EBF1: variants seen among roughly 807,000 people sequenced by gnomAD.
EBF1 encodes EBF transcription factor 1.
A neutral mutation model predicts 68.4 loss-of-function variants in EBF1; 10 were observed. That is an observed-to-expected ratio of 0.15 (90% confidence interval 0.09 to 0.25). The LOEUF is 0.25. Among genes scored for constraint, EBF1 ranks in the 10% least tolerant of loss-of-function variants. The pLI, the probability that EBF1 is intolerant of heterozygous loss-of-function variation, is 1.00. For synonymous variants in EBF1, 298 were observed against 299.8 expected (o/e 0.99, Z 0.06); for missense variants, 509 against 794.4 (o/e 0.64, Z 4.32).
At position 159,075,303 on chromosome 5, in the gene EBF1, C is replaced by T. The variant is rs1208007774; in HGVS notation, c.486-1839G>A. ...TGCACCTACCCTCTTCAGTCCCTTC[C>T]TCCTTCAAGTCCAGGCAAATCTGCC... On this transcript the variant is annotated intron_variant, in intron 5 of 15. Transcript: ENST00000313708. 5.3e-5 allele frequency among the ~76,000 whole-genome samples: 8 copies of T among 152,204 alleles called. No individual in the cohort carries two copies. In the East Asian group the frequency reaches 9.7e-4, roughly 18 times the overall value.
At chr5:158,737,719 G>A (rs1324203468) in intron 10 of EBF1, among the ~76,000 whole-genome samples, 2 of 152,102 alleles carry the variant, frequency 1.3e-5, no homozygotes, top group East Asian at 1.9e-4. Context: ...GAGTGGTTAC[G>A]TCCTTTTTAC....
At chr5:158,730,557 G>A (rs972423380) in intron 11 of EBF1, among the ~76,000 whole-genome samples, 4 of 152,186 alleles carry the variant, frequency 2.6e-5, no homozygotes, top group Non-Finnish European at 4.4e-5. Context: ...AAGAGAGGTT[G>A]TCTTTGCCCA....
chr5:158,775,494 CT>C, intron 10 of EBF1, among the ~76,000 whole-genome samples: 1 of 152,148 alleles, frequency 6.6e-6, no homozygotes, highest in East Asian at 1.9e-4. Flanking sequence ...TCTTTTTCTT[CT>C]CCTTTTCTTG....
At chr5:159,088,440 A>G (rs753215187) in intron 4 of EBF1, among the ~76,000 whole-genome samples, 15 of 152,142 alleles carry the variant, frequency 9.9e-5, no homozygotes, top group Non-Finnish European at 1.9e-4. Flanking sequence ...TAAGCCCCAA[A>G]GGACAGGGAT....
chr5:159,084,188 C>T (rs1190036675), intron 5 of EBF1, among the ~76,000 whole-genome samples: 2 of 151,674 alleles, frequency 1.3e-5, no homozygotes, highest in Non-Finnish European at 2.9e-5. Flanking sequence ...AACCCACATG[C>T]AATTTAAGAA....
chr5:158,806,259 C>T (rs1170069226), intron 8 of EBF1, among the ~76,000 whole-genome samples: 2 of 152,094 alleles, frequency 1.3e-5, no homozygotes, highest in Non-Finnish European at 2.9e-5. Context: ...ACAAGTTTCC[C>T]AGGCAAACAA....
chr5:158,874,965 T>C (rs981179972), intron 6 of EBF1, among the ~76,000 whole-genome samples: 5 of 151,892 alleles, frequency 3.3e-5, no homozygotes, highest in Non-Finnish European at 5.9e-5. Context: ...TATAGAACCA[T>C]GCACAACTAG....
At chr5:158,849,743 C>T (rs948910080) in intron 6 of EBF1, among the ~76,000 whole-genome samples, 1 of 152,146 alleles carries the variant, frequency 6.6e-6, no homozygotes, top group Non-Finnish European at 1.5e-5. Flanking sequence ...TTATTTCTTT[C>T]TTCTATATTT....
At chr5:159,075,565 A>G (rs1584445141) in intron 5 of EBF1, among the ~76,000 whole-genome samples, 1 of 152,184 alleles carries the variant, frequency 6.6e-6, no homozygotes, top group East Asian at 1.9e-4. Context: ...TTTAAAGCCT[A>G]TCTGATTTTC....
At chr5:159,065,206 A>G (rs572321482) in intron 6 of EBF1, among the ~76,000 whole-genome samples, 1 of 152,312 alleles carries the variant, frequency 6.6e-6, no homozygotes, top group South Asian at 2.1e-4. Context: ...TCTGATATTC[A>G]GGTGGAGTAA....
intron 6 of EBF1, among the ~76,000 whole-genome samples, chr5:158,976,491 G>C (rs975517805): frequency 6.7e-6 from 1 of 149,784 alleles, no homozygotes; most frequent in Non-Finnish European, 1.5e-5. Flanking sequence ...CAAAAAGATG[G>C]TAGTGTTTTT....
At chr5:159,067,686 T>C (rs1425365643) in intron 6 of EBF1, among the ~76,000 whole-genome samples, 6 of 152,124 alleles carry the variant, frequency 3.9e-5, no homozygotes, top group African/African-American at 1.2e-4. Context: ...TTCAGAATGG[T>C]ATTATCTGAT....
intron 6 of EBF1, among the ~76,000 whole-genome samples, chr5:158,854,269 AC>A (rs1432165960): frequency 6.6e-6 from 1 of 152,050 alleles, no homozygotes; most frequent in Non-Finnish European, 1.5e-5. Flanking sequence ...CAAAACAAGG[AC>A]CCCTGTGGCT....
intron 6 of EBF1, among the ~76,000 whole-genome samples, chr5:158,988,277 CT>C (rs1315898804): frequency 5.9e-5 from 9 of 152,180 alleles, no homozygotes; most frequent in Admixed American, 4.6e-4. Flanking sequence ...TAAACTGCCC[CT>C]GGTCCATTCT....
intron 6 of EBF1, among the ~76,000 whole-genome samples, chr5:159,050,233 T>C (rs1201501265): frequency 6.7e-6 from 1 of 148,516 alleles, no homozygotes; most frequent in African/African-American, 2.5e-5. Flanking sequence ...CTCTCCTCCC[T>C]CTCTCTCTCC....
At chr5:158,763,705 GAT>G (rs1156941139) in intron 10 of EBF1, among the ~76,000 whole-genome samples, 3 of 152,140 alleles carry the variant, frequency 2.0e-5, no homozygotes, top group Non-Finnish European at 4.4e-5. Flanking sequence ...CGACCATGGT[GAT>G]GTTTGTTGAT....
At position 159,097,006 on chromosome 5, in the gene EBF1, T is replaced by C; in HGVS notation, c.259A>G (p.Thr87Ala). ...TTCTCCACGAACCCCACAAACGCTG[T>C]CCTCTCGATCTCCACGGGCTGGCCC... Reference protein sequence around the residue: ...RQGQPVEIERTAFVGFVEKEK... With the variant: ...RQGQPVEIERAAFVGFVEKEK... The change falls in exon 2 of 16, where the codon ACA becomes GCA. Residue 87 changes from threonine to alanine, a missense_variant. Thr to Ala is a moderately conservative substitution (Grantham distance 58). Coordinates refer to ENST00000313708, the MANE Select transcript of EBF1 (RefSeq NM_024007.5). 1 of 1,611,996 alleles carries C rather than the reference T, an allele frequency of 6.2e-7. No homozygotes were observed. The highest frequency in any genetic ancestry group is 8.5e-7 in the Non-Finnish European group (1 of 1,179,242).
chr5:158,965,280 C>G (rs2127544565), intron 6 of EBF1, among the ~76,000 whole-genome samples: 1 of 152,284 alleles, frequency 6.6e-6, no homozygotes, highest in South Asian at 2.1e-4. Context: ...AGATTCAAAT[C>G]TCCCATCCCC....
At chr5:159,028,050 G>T (rs756903045) in intron 6 of EBF1, among the ~76,000 whole-genome samples, 3 of 152,180 alleles carry the variant, frequency 2.0e-5, no homozygotes, top group African/African-American at 4.8e-5. Flanking sequence ...TTGGGGCTTT[G>T]TGCAACTGCT....
Sources: allele counts gnomAD v4.1 joint callset (sites outside exome capture counted in the v4.1 genomes callset), GRCh38; gene constraint gnomAD v4.1.1; transcripts MANE v1.5; gene names NCBI Gene and HGNC (gene_info 2026-07-23, HGNC 2026-07-21).